Variants in LMX1B observed in about 807,000 individuals in gnomAD.
LMX1B encodes the protein LIM homeobox transcription factor 1 beta.
LMX1B carries 12 observed loss-of-function variants against 51.4 expected under a neutral mutation model. That is an observed-to-expected ratio of 0.23 (90% CI 0.15 to 0.38). LMX1B has a LOEUF of 0.38. LMX1B is among the 10% of genes least tolerant of loss of function. The probability of loss-of-function intolerance (pLI) is 1.00; values close to 1 mark genes in which losing one functional copy is unlikely to be tolerated. For synonymous variants in LMX1B, 237 were observed against 235.4 expected, an observed-to-expected ratio of 1.01 and a Z score of -0.06; for missense variants, 445 against 571.1, an observed-to-expected ratio of 0.78 and a Z score of 2.25.
chr9:126,630,868 A>AC (rs1163722254), intron 2 of LMX1B, among the ~76,000 whole-genome samples: 1 of 152,188 alleles, frequency 6.6e-6, no homozygotes, highest in Non-Finnish European at 1.5e-5. Flanking sequence ...GGCCACCTTT[A>AC]CCCCTGCAGT....
intron 2 of LMX1B, among the ~76,000 whole-genome samples, chr9:126,637,013 C>G (rs1835725422): frequency 2.6e-5 from 4 of 152,210 alleles, no homozygotes; most frequent in Admixed American, 2.6e-4. Flanking sequence ...CTGGTCTGGA[C>G]TGGCCCAGCC....
chr9:126,615,702 G>A lies in LMX1B; in HGVS notation c.326+133G>A. ...TGGGCCGGGCAGCTCCAAGGGTTCC[G>A]AGAGCTGCGCGTCTTGGGGCTGGGG... On this transcript the variant is annotated intron_variant, in intron 2 of 7. Coordinates refer to ENST00000373474, the MANE Select transcript of LMX1B (RefSeq NM_001174147.2). This position sits in a 1 kb window ranked among gnomAD's most constrained non-coding sequence, Gnocchi z 6.0. 1.3e-6 allele frequency: 1 copy of A among 778,200 alleles called. No homozygotes were observed. The allele number at this position is 778,200 out of a possible 1,614,324, so 48.2% of individuals were successfully genotyped here.
rs374894222 is a variant in LMX1B at position 126,693,339 on chromosome 9, G to C, written c.741+16G>C. ...TTGCCGAAAGGTGAGGGGCGGCCGG[G>C]GGGCGGGGCTCAGGCTGATGCCCGC... On this transcript the variant is annotated intron_variant, in intron 4 of 7. Coordinates refer to ENST00000373474, the MANE Select transcript of LMX1B (RefSeq NM_001174147.2). 20 of 1,583,324 alleles carry C rather than the reference G, an allele frequency of 1.3e-5. No homozygotes were observed. The South Asian group carries it at 1.9e-4, about 15-fold the overall frequency.
intron 2 of LMX1B, among the ~76,000 whole-genome samples, chr9:126,644,729 C>T (rs938531560): frequency 4.6e-5 from 7 of 152,162 alleles, no homozygotes; most frequent in Non-Finnish European, 8.8e-5. Context: ...CCCTGAGCCT[C>T]GGCTTCCCTG....
At chr9:126,670,097 G>T (rs1401389512) in intron 2 of LMX1B, among the ~76,000 whole-genome samples, 3 of 152,190 alleles carry the variant, frequency 2.0e-5, no homozygotes, top group African/African-American at 7.2e-5. Context: ...CCAAATCCCA[G>T]TTCCCAAGAG....
chr9:126,649,399 G>A (rs573380459), intron 2 of LMX1B, among the ~76,000 whole-genome samples: 7 of 152,130 alleles, frequency 4.6e-5, no homozygotes, highest in East Asian at 1.9e-4. Flanking sequence ...TCCTCCCTGC[G>A]TCCTCCCAGC....
chr9:126,691,622 C>T (rs1211587889), intron 3 of LMX1B, among the ~76,000 whole-genome samples: 1 of 152,116 alleles, frequency 6.6e-6, no homozygotes, highest in African/African-American at 2.4e-5. Flanking sequence ...CCCCCCTTAC[C>T]CTCTCTGCCT....
At chr9:126,693,428 C>G in intron 4 of LMX1B, 96 bp from the exon 5 acceptor site, 1 of 1,540,826 alleles carries the variant, frequency 6.5e-7, no homozygotes, top group East Asian at 2.3e-5. Flanking sequence ...TCCCTCCATC[C>G]TCCATCTCTC....
chr9:126,655,624 A>C (rs1836102596), intron 2 of LMX1B, among the ~76,000 whole-genome samples: 1 of 152,190 alleles, frequency 6.6e-6, no homozygotes, highest in Admixed American at 6.5e-5. Flanking sequence ...GGGCTAAAAA[A>C]AGTGCTTGTT....
At chr9:126,669,626 T>C (rs1836413231) in intron 2 of LMX1B, among the ~76,000 whole-genome samples, 1 of 152,204 alleles carries the variant, frequency 6.6e-6, no homozygotes, top group Non-Finnish European at 1.5e-5. Flanking sequence ...TCTGGGTATG[T>C]CTGTGCACAC....
intron 2 of LMX1B, among the ~76,000 whole-genome samples, chr9:126,684,524 G>C (rs1836737997): frequency 6.6e-6 from 1 of 152,194 alleles, no homozygotes; most frequent in African/African-American, 2.4e-5. Flanking sequence ...CTTGGAGAAG[G>C]GATGTGAATC....
At chr9:126,676,191 C>A (rs1396475786) in intron 2 of LMX1B, among the ~76,000 whole-genome samples, 1 of 152,148 alleles carries the variant, frequency 6.6e-6, no homozygotes, top group Non-Finnish European at 1.5e-5. Flanking sequence ...CTCATTGATT[C>A]TCCTTGTTTC....
At chr9:126,649,053 G>C (rs1211967493) in intron 2 of LMX1B, among the ~76,000 whole-genome samples, 1 of 152,008 alleles carries the variant, frequency 6.6e-6, no homozygotes, top group East Asian at 1.9e-4. Flanking sequence ...ATCTTCCCAG[G>C]TACTTAGGTC....
chr9:126,669,179 C>T (rs556046922), intron 2 of LMX1B, among the ~76,000 whole-genome samples: 60 of 152,112 alleles, frequency 3.9e-4, no homozygotes, highest in South Asian at 2.5e-3. Context: ...TTCCATGCGG[C>T]GAGGGTGCAC....
rs1357301047 is a variant in LMX1B at position 126,626,703 on chromosome 9, G to T, written c.326+11134G>T. Among the ~76,000 whole-genome samples, 1 of 152,154 alleles carries T rather than the reference G, an allele frequency of 6.6e-6. No homozygotes were observed. The highest frequency in any genetic ancestry group is 2.4e-5 in the African/African-American group (1 of 41,444). ...GTTTGGAAAGGGGTGGGTGGGGGGC[G>T]TCGAGCGAGCGAGGGAAGGAGCAAG... On this transcript the variant is annotated intron_variant, in intron 2 of 7. Coordinates refer to ENST00000373474, the MANE Select transcript of LMX1B (RefSeq NM_001174147.2). This position sits in a 1 kb window ranked among gnomAD's most constrained non-coding sequence, Gnocchi z 4.3.
chr9:126,647,405 C>T (rs575418971), intron 2 of LMX1B, among the ~76,000 whole-genome samples: 4 of 152,294 alleles, frequency 2.6e-5, no homozygotes, highest in East Asian at 3.9e-4. Flanking sequence ...ACGCCGGGAC[C>T]GTGCTGCACA....
chr9:126,693,474 C>T, intron 4 of LMX1B, 50 bp from the exon 5 acceptor site: 2 of 1,596,624 alleles, frequency 1.3e-6, no homozygotes, highest in Non-Finnish European at 8.6e-7. Flanking sequence ...CCACCATCTC[C>T]CCGTTGCTGC....
chr9:126,645,356 T>C (rs553465944), intron 2 of LMX1B, among the ~76,000 whole-genome samples: 13 of 152,340 alleles, frequency 8.5e-5, no homozygotes, highest in Non-Finnish European at 1.3e-4. Flanking sequence ...GCACCCAGTC[T>C]TGTCAGTCTT....
chr9:126,667,652 C>A (rs1386682279), intron 2 of LMX1B, among the ~76,000 whole-genome samples: 3 of 152,178 alleles, frequency 2.0e-5, no homozygotes, highest in Non-Finnish European at 4.4e-5. Context: ...AAGTGACACT[C>A]AAAGCCATAA....
Sources: gnomAD v4.1 joint callset for allele counts (sites outside exome capture counted in the v4.1 genomes callset) on GRCh38, gnomAD v4.1.1 for gene constraint, Gnocchi (gnomAD v3.1) non-coding constraint, MANE v1.5 for transcripts, NCBI Gene and HGNC (gene_info 2026-07-23, HGNC 2026-07-21) for gene names.